Variants in CCDC102B observed in about 807,000 individuals in gnomAD.
CCDC102B encodes the protein coiled-coil domain-containing protein 102B.
In CCDC102B, 75 loss-of-function variants were observed where a neutral mutation model predicts 57.4. The ratio of observed to expected loss-of-function variants is 1.31; its 90% confidence interval spans 1.08 to 1.58. The LOEUF (loss-of-function observed/expected upper bound fraction) is 1.58. Among genes scored for constraint, CCDC102B ranks in the 40% most tolerant of loss-of-function variants. The pLI is 0.00. For missense variants in CCDC102B, 636 were observed against 582.6 expected (o/e 1.09, Z -0.94); for synonymous variants, 206 against 201.9 (o/e 1.02, Z -0.17).
intron 1 of CCDC102B, among the ~76,000 whole-genome samples, chr18:68,832,634 G>T: frequency 6.6e-6 from 1 of 151,390 alleles, no homozygotes; most frequent in East Asian, 2.0e-4. Context: ...CAGAAACTAA[G>T]AACCCAAGAC....
intron 6 of CCDC102B, among the ~76,000 whole-genome samples, chr18:68,937,025 T>G (rs532910792): frequency 1.3e-5 from 2 of 152,098 alleles, no homozygotes; most frequent in East Asian, 3.9e-4. Context: ...GATCACAACA[T>G]TTTGCCAACC....
At chr18:68,729,590 T>C (rs2032765829) in intron 2 of CCDC102B, among the ~76,000 whole-genome samples, 1 of 152,180 alleles carries the variant, frequency 6.6e-6, no homozygotes, top group Non-Finnish European at 1.5e-5. Flanking sequence ...CTCAGACAAT[T>C]TTAATCCCCA....
intron 6 of CCDC102B, among the ~76,000 whole-genome samples, chr18:68,938,606 A>T (rs2049303190): frequency 6.6e-6 from 1 of 151,852 alleles, no homozygotes; most frequent in Non-Finnish European, 1.5e-5. Flanking sequence ...CAATATGAAA[A>T]TTAGTATCAT....
intron 7 of CCDC102B, among the ~76,000 whole-genome samples, chr18:69,023,000 A>T (rs1380017246): frequency 6.6e-6 from 1 of 151,878 alleles, no homozygotes; most frequent in African/African-American, 2.4e-5. Flanking sequence ...AAAAAAAAAT[A>T]GAAAAGCAGG....
At chr18:68,918,652 C>G (rs1214758706) in intron 6 of CCDC102B, among the ~76,000 whole-genome samples, 5 of 152,136 alleles carry the variant, frequency 3.3e-5, no homozygotes, top group Admixed American at 2.6e-4. Context: ...GAAACCTGAA[C>G]AGAAGACATA....
intron 4 of CCDC102B, among the ~76,000 whole-genome samples, chr18:68,850,588 C>T (rs1296239140): frequency 2.0e-5 from 3 of 152,010 alleles, no homozygotes; most frequent in African/African-American, 4.8e-5. Flanking sequence ...AAGAGTGTTA[C>T]GAGAGCAGCT....
At chr18:68,917,045 T>C (rs959815828) in intron 6 of CCDC102B, among the ~76,000 whole-genome samples, 5 of 152,140 alleles carry the variant, frequency 3.3e-5, no homozygotes, top group African/African-American at 9.7e-5. Flanking sequence ...AAATAACGAT[T>C]TTGCCTGGAA....
At position 69,053,635 on chromosome 18, in the gene CCDC102B, C is replaced by A. The variant is rs535153592; in HGVS notation, c.1435-395C>A. 2.8e-3 allele frequency among the ~76,000 whole-genome samples: 426 copies of A among 151,714 alleles called. 2 individuals carry two copies. Among genetic ancestry groups the A allele is most frequent in the African/African-American group, 9.0e-3 (373 of 41,450 alleles). On this transcript the variant is annotated intron_variant, in intron 7 of 7. Coordinates refer to ENST00000360242, the MANE Select transcript of CCDC102B (RefSeq NM_024781.3). ...TACTGGTAAGTTACTGTCATACAAACATATACCTTGTTTTTAAAGAGTTAC... is the reference window on the plus strand; with the variant it reads ...TACTGGTAAGTTACTGTCATACAAAAATATACCTTGTTTTTAAAGAGTTAC...
chr18:68,937,332 T>C (rs972822493), intron 6 of CCDC102B, among the ~76,000 whole-genome samples: 1 of 152,054 alleles, frequency 6.6e-6, no homozygotes, highest in African/African-American at 2.4e-5. Context: ...AGATACTTGT[T>C]CACAGAACGA....
chr18:68,880,271 G>A (rs1267283749), intron 5 of CCDC102B, among the ~76,000 whole-genome samples: 2 of 152,232 alleles, frequency 1.3e-5, no homozygotes, highest in South Asian at 2.1e-4. Flanking sequence ...GGCCGGCAGG[G>A]CTGGCCAGCT....
intron 7 of CCDC102B, among the ~76,000 whole-genome samples, chr18:69,044,410 G>A (rs1333033400): frequency 6.6e-6 from 1 of 152,126 alleles, no homozygotes; most frequent in Non-Finnish European, 1.5e-5. Flanking sequence ...AATATTTATT[G>A]TCTTCTAAAA....
intron 2 of CCDC102B, among the ~76,000 whole-genome samples, chr18:68,730,904 A>G (rs1310387759): frequency 6.6e-6 from 1 of 152,192 alleles, no homozygotes; most frequent in Non-Finnish European, 1.5e-5. Flanking sequence ...AAATATTCTG[A>G]TATCTTGATC....
rs569578269 is a variant in CCDC102B at position 68,991,651 on chromosome 18, C to T, written c.1264-19283C>T. 7.9e-5 allele frequency among the ~76,000 whole-genome samples: 12 copies of T among 152,248 alleles called. 1 individual carries two copies. In the South Asian group the frequency reaches 2.5e-3, roughly 32 times the overall value. On this transcript the variant is annotated intron_variant, in intron 6 of 7. Coordinates refer to ENST00000360242, the MANE Select transcript of CCDC102B (RefSeq NM_024781.3). ...AATATTTGCAAGCTCTCTAGGGATGCAAAATGCTGCATGAATGCTAAATTA... is the reference window on the plus strand; with the variant it reads ...AATATTTGCAAGCTCTCTAGGGATGTAAAATGCTGCATGAATGCTAAATTA...
chr18:68,992,897 G>T, intron 6 of CCDC102B: 1 of 170,570 alleles, frequency 5.9e-6, no homozygotes, highest in East Asian at 1.8e-4. Context: ...GTGGCAGCCA[G>T]AGTGTGAGGT....
rs139602582 is a variant in CCDC102B, at chr18:68,782,341, AAT to A, written c.-66-41009_-66-41008del. Among the ~76,000 whole-genome samples the A allele has an allele frequency of 3.7e-3, 546 of 148,616 alleles. 5 individuals are homozygous for A. Among genetic ancestry groups the A allele is most frequent in the African/African-American group, 0.011 (469 of 40,896 alleles). Reference sequence around the variant, plus strand: ...TATAATGAAATAAAATCACCTTTCAAATATATATATATATATACACATACACA... The same window carrying A: ...TATAATGAAATAAAATCACCTTTCAAATATATATATATATACACATACACA... On this transcript the variant is annotated intron_variant, in intron 2 of 3. Transcript: ENST00000578970.
chr18:69,039,082 G>A (rs948927938), intron 7 of CCDC102B, among the ~76,000 whole-genome samples: 2 of 151,878 alleles, frequency 1.3e-5, no homozygotes, highest in African/African-American at 4.8e-5. Flanking sequence ...TGCTTACCAC[G>A]TTGCAACCAT....
chr18:68,919,343 G>A (rs1029192074), intron 6 of CCDC102B, among the ~76,000 whole-genome samples: 6 of 152,096 alleles, frequency 3.9e-5, no homozygotes, highest in African/African-American at 1.4e-4. Flanking sequence ...GTAATCTCTA[G>A]TAGGAATCCA....
chr18:68,734,908 A>G (rs1257500329), intron 2 of CCDC102B: 2 of 152,224 alleles, frequency 1.3e-5, no homozygotes, highest in Non-Finnish European at 2.9e-5. Context: ...TTAGGGTTTC[A>G]TTTGATCCAC....
chr18:68,919,356 C>T (rs1481510983), intron 6 of CCDC102B, among the ~76,000 whole-genome samples: 1 of 152,028 alleles, frequency 6.6e-6, no homozygotes, highest in South Asian at 2.1e-4. Flanking sequence ...GGAATCCAGG[C>T]TTTAACATGG....
Sources: allele counts gnomAD v4.1 joint callset (sites outside exome capture counted in the v4.1 genomes callset), GRCh38; gene constraint gnomAD v4.1.1; transcripts MANE v1.5; gene names NCBI Gene and HGNC (gene_info 2026-07-23, HGNC 2026-07-21).